Variants in SAMD12 observed in about 807,000 individuals in gnomAD.
The protein encoded by SAMD12 is sterile alpha motif domain-containing protein 12.
A neutral mutation model predicts 15.0 loss-of-function variants in SAMD12; 9 were observed. That is an observed-to-expected ratio of 0.60 (90% CI 0.36 to 1.05). The LOEUF (loss-of-function observed/expected upper bound fraction) is 1.05, where lower values mean the gene tolerates loss of function less well. Ranked by LOEUF, SAMD12 falls within the 50% of genes least tolerant of loss-of-function variation. The probability of loss-of-function intolerance (pLI) is 0.01; values close to 1 mark genes in which losing one functional copy is unlikely to be tolerated. For missense variants in SAMD12, 230 were observed against 234.2 expected (o/e 0.98, Z 0.12); for synonymous variants, 86 against 90.1 (o/e 0.96, Z 0.25).
At chr8:118,534,157 G>A (rs1297817907) in intron 2 of SAMD12, among the ~76,000 whole-genome samples, 1 of 152,094 alleles carries the variant, frequency 6.6e-6, no homozygotes, top group Non-Finnish European at 1.5e-5. Context: ...AAATCTCTCA[G>A]CATTTGCTTG....
intron 4 of SAMD12, among the ~76,000 whole-genome samples, chr8:118,333,930 CTG>C (rs4053435): frequency 0.45 from 46,391 of 103,812 alleles, 10,979 homozygotes; most frequent in African/African-American, 0.69. Flanking sequence ...GGGGGTATGT[CTG>C]TGTGTGTGTG....
intron 4 of SAMD12, among the ~76,000 whole-genome samples, chr8:118,286,717 T>C (rs1047777375): frequency 2.6e-5 from 4 of 152,178 alleles, no homozygotes; most frequent in Non-Finnish European, 5.9e-5. Flanking sequence ...GATTCGTGTC[T>C]CTCCATCAAC....
chr8:118,190,389 G>T (rs1167808099), exon 5 of SAMD12: 2 of 152,074 alleles, frequency 1.3e-5, no homozygotes, highest in Non-Finnish European at 2.9e-5. Flanking sequence ...CTCCAACCTG[G>T]GATTGGCAGT....
chr8:118,546,550 A>C (rs1826131584), intron 2 of SAMD12, among the ~76,000 whole-genome samples: 1 of 152,124 alleles, frequency 6.6e-6, no homozygotes, highest in South Asian at 2.1e-4. Flanking sequence ...TAGCCCTATA[A>C]AATACTTTAA....
chr8:118,246,065 A>G (rs1812683000), intron 4 of SAMD12, among the ~76,000 whole-genome samples: 1 of 152,138 alleles, frequency 6.6e-6, no homozygotes, highest in Non-Finnish European at 1.5e-5. Context: ...AGCTAAGCAG[A>G]TGTGTGTTGA....
At chr8:118,260,303 G>T (rs1447745167) in intron 4 of SAMD12, among the ~76,000 whole-genome samples, 3 of 151,996 alleles carry the variant, frequency 2.0e-5, no homozygotes, top group Non-Finnish European at 4.4e-5. Context: ...TCTCCCATCA[G>T]CAGAAAAACT....
At chr8:118,245,831 C>G (rs185540994) in intron 4 of SAMD12, among the ~76,000 whole-genome samples, 1 of 152,134 alleles carries the variant, frequency 6.6e-6, no homozygotes, top group East Asian at 1.9e-4. Context: ...GCAGATCTTT[C>G]TGGGATTGGA....
chr8:118,472,757 T>A (rs1253863496), intron 2 of SAMD12, among the ~76,000 whole-genome samples: 1 of 143,376 alleles, frequency 7.0e-6, no homozygotes, highest in Non-Finnish European at 1.6e-5. Flanking sequence ...AATATCCTAA[T>A]AGAAGAAAGT....
chr8:118,176,825 G>T, the SAMD12 span, among the ~76,000 whole-genome samples: 1 of 152,022 alleles, frequency 6.6e-6, no homozygotes, highest in South Asian at 2.1e-4. Context: ...AACCACTATT[G>T]TAGTATATAA....
chr8:118,277,512 T>A (rs1057198627), intron 4 of SAMD12, among the ~76,000 whole-genome samples: 4 of 152,000 alleles, frequency 2.6e-5, no homozygotes, highest in African/African-American at 9.7e-5. Context: ...CTTATGTAGT[T>A]TTAACAGGTT....
intron 3 of SAMD12, among the ~76,000 whole-genome samples, chr8:118,427,266 C>A (rs1319152682): frequency 6.6e-6 from 1 of 152,052 alleles, no homozygotes; most frequent in Admixed American, 6.6e-5. Context: ...CAGGATAACA[C>A]GTTCATCTTT....
chr8:118,442,662 T>C (rs1387744130), intron 2 of SAMD12, among the ~76,000 whole-genome samples: 1 of 152,222 alleles, frequency 6.6e-6, no homozygotes, highest in Non-Finnish European at 1.5e-5. Flanking sequence ...ACCACCATGT[T>C]TCACAAGTCA....
At chr8:118,272,715 G>T (rs1813393725) in intron 4 of SAMD12, among the ~76,000 whole-genome samples, 1 of 152,084 alleles carries the variant, frequency 6.6e-6, no homozygotes, top group South Asian at 2.1e-4. Flanking sequence ...GTAAAATACT[G>T]CCAGTCCCTT....
intron 2 of SAMD12, among the ~76,000 whole-genome samples, chr8:118,546,861 A>C (rs1826142619): frequency 6.6e-6 from 1 of 152,216 alleles, no homozygotes; most frequent in Non-Finnish European, 1.5e-5. Flanking sequence ...ACAGAAGGCC[A>C]CATCAGTTTG....
chr8:118,291,642 T>C (rs1419780413), intron 4 of SAMD12, among the ~76,000 whole-genome samples: 1 of 152,042 alleles, frequency 6.6e-6, no homozygotes, highest in Non-Finnish European at 1.5e-5. Context: ...TTCCTGAAGC[T>C]TCCCTATTAT....
At chr8:118,314,824 A>G (rs146790099) in intron 4 of SAMD12, among the ~76,000 whole-genome samples, 53 of 152,286 alleles carry the variant, frequency 3.5e-4, no homozygotes, top group African/African-American at 1.2e-3. Flanking sequence ...ACTGAAGGAT[A>G]TTGGATTGTT....
chr8:118,515,767 C>T lies in SAMD12; in HGVS notation c.192+64948G>A, dbSNP rs561058883. On this transcript the variant is annotated intron_variant, in intron 2 of 3. Transcript: ENST00000314727. ...CTCCATCCCTTTTTACTCACTCTTG[C>T]GCGGCATCACCAACTGGCAAATCCC... Among the ~76,000 whole-genome samples the T allele has an allele frequency of 3.9e-5, 6 of 152,274 alleles. No individual in the cohort carries two copies. In the East Asian group the frequency reaches 5.8e-4, roughly 15 times the overall value.
chr8:118,420,080 T>C (rs1821926636), intron 3 of SAMD12, among the ~76,000 whole-genome samples: 1 of 152,236 alleles, frequency 6.6e-6, no homozygotes, highest in Non-Finnish European at 1.5e-5. Context: ...GACAGGGCCT[T>C]GGAGACGTAT....
chr8:118,463,858 G>A (rs1464117456), intron 2 of SAMD12, among the ~76,000 whole-genome samples: 1 of 152,034 alleles, frequency 6.6e-6, no homozygotes, highest in Non-Finnish European at 1.5e-5. Context: ...TACTGGGTTT[G>A]GCAGGAGGAG....
Sources: allele counts gnomAD v4.1 joint callset (sites outside exome capture counted in the v4.1 genomes callset), GRCh38; gene constraint gnomAD v4.1.1; transcripts MANE v1.5; gene names NCBI Gene and HGNC (gene_info 2026-07-23, HGNC 2026-07-21).